MYT1L: variants seen among roughly 807,000 people sequenced by gnomAD.
The protein encoded by MYT1L is myelin transcription factor 1-like protein.
In MYT1L, 12 loss-of-function variants were observed where a neutral mutation model predicts 126.7. The observed-to-expected ratio is 0.09, with a 90% CI of 0.06 to 0.15. The LOEUF is 0.15. Among genes scored for constraint, MYT1L ranks in the 10% least tolerant of loss-of-function variants. The probability of loss-of-function intolerance (pLI) is 1.00; values close to 1 mark genes in which losing one functional copy is unlikely to be tolerated. For missense variants in MYT1L, 979 were observed against 1,585.2 expected (o/e 0.62, Z 6.49); for synonymous variants, 541 against 604.2 (o/e 0.90, Z 1.53).
At chr2:2,145,072 T>A (rs1338780880) in intron 3 of MYT1L, among the ~76,000 whole-genome samples, 1 of 152,210 alleles carries the variant, frequency 6.6e-6, no homozygotes, top group Non-Finnish European at 1.5e-5. Context: ...CACAAAAACA[T>A]ACACACATCT....
At chr2:2,156,589 T>C (rs1180626478) in intron 3 of MYT1L, among the ~76,000 whole-genome samples, 1 of 152,270 alleles carries the variant, frequency 6.6e-6, no homozygotes, top group African/African-American at 2.4e-5. Flanking sequence ...CTCAATTCAT[T>C]GGTGCCATTA....
chr2:2,301,979 C>T (rs1295299755), intron 1 of MYT1L, among the ~76,000 whole-genome samples: 3 of 152,020 alleles, frequency 2.0e-5, no homozygotes, highest in African/African-American at 7.3e-5. Context: ...TTTGTTGATA[C>T]AACTATAAAG....
chr2:2,205,340 A>G (rs2093272485), intron 2 of MYT1L, among the ~76,000 whole-genome samples: 1 of 152,182 alleles, frequency 6.6e-6, no homozygotes, highest in African/African-American at 2.4e-5. Flanking sequence ...TTGTTTTTAA[A>G]TGGTCCTTTA....
chr2:1,836,313 A>C (rs980843495), intron 21 of MYT1L, among the ~76,000 whole-genome samples: 1 of 137,032 alleles, frequency 7.3e-6, no homozygotes, highest in African/African-American at 2.8e-5. Context: ...TGCCCCCCCA[A>C]GATTCCATCA....
intron 5 of MYT1L, among the ~76,000 whole-genome samples, chr2:1,995,344 C>G (rs978038112): frequency 1.3e-5 from 2 of 152,140 alleles, no homozygotes; most frequent in Non-Finnish European, 2.9e-5. Context: ...ACTAGACTGT[C>G]GTCCTCACTG....
chr2:1,857,797 A>G (rs2044098781), intron 18 of MYT1L, among the ~76,000 whole-genome samples: 1 of 152,188 alleles, frequency 6.6e-6, no homozygotes, highest in African/African-American at 2.4e-5. Context: ...TCTGGTTCTA[A>G]AAATATGTAT....
intron 2 of MYT1L, among the ~76,000 whole-genome samples, chr2:2,201,802 T>C (rs995309587): frequency 1.3e-5 from 2 of 152,232 alleles, no homozygotes; most frequent in Non-Finnish European, 2.9e-5. Flanking sequence ...TATTAACTTC[T>C]GGGTTTTCAA....
At chr2:1,796,742 G>C (rs1156760758) in intron 23 of MYT1L, among the ~76,000 whole-genome samples, 2 of 152,122 alleles carry the variant, frequency 1.3e-5, no homozygotes, top group African/African-American at 2.4e-5. Context: ...TGTGCCTGGA[G>C]TGCTCCTTTC....
chr2:2,046,183 A>G (rs2068159232), intron 4 of MYT1L, among the ~76,000 whole-genome samples: 1 of 152,214 alleles, frequency 6.6e-6, no homozygotes, highest in South Asian at 2.1e-4. Flanking sequence ...CCTCTGAGAC[A>G]ACCTGTCCTG....
At chr2:1,866,151 A>G (rs7592630) in intron 18 of MYT1L, among the ~76,000 whole-genome samples, 71,405 of 152,018 alleles carry the variant, frequency 0.47, 19,438 homozygotes, top group African/African-American at 0.75. Context: ...GAAGAAGTAC[A>G]GGCCAGATGG....
chr2:2,109,985 T>G (rs1269385213), intron 3 of MYT1L, among the ~76,000 whole-genome samples: 1 of 148,546 alleles, frequency 6.7e-6, no homozygotes, highest in Non-Finnish European at 1.5e-5. Flanking sequence ...AACAGTTCTA[T>G]ATCCATGGAA....
At chr2:2,152,116 T>A (rs2085895500) in intron 3 of MYT1L, among the ~76,000 whole-genome samples, 1 of 152,220 alleles carries the variant, frequency 6.6e-6, no homozygotes, top group African/African-American at 2.4e-5. Flanking sequence ...CATGCTAGCA[T>A]CACCATTCTT....
intron 5 of MYT1L, among the ~76,000 whole-genome samples, chr2:1,983,620 C>T (rs2060775459): frequency 6.6e-6 from 1 of 152,212 alleles, no homozygotes; most frequent in Non-Finnish European, 1.5e-5. Flanking sequence ...GCCCTTCTCT[C>T]CTACCCGCCT....
chr2:2,100,632 T>C (rs2077956925), intron 3 of MYT1L, among the ~76,000 whole-genome samples: 1 of 152,186 alleles, frequency 6.6e-6, no homozygotes, highest in Non-Finnish European at 1.5e-5. Context: ...TTCAGTTTTG[T>C]TTTGTAGTGA....
intron 3 of MYT1L, among the ~76,000 whole-genome samples, chr2:2,164,473 T>C (rs2088656317): frequency 3.3e-5 from 5 of 152,182 alleles, no homozygotes; most frequent in Admixed American, 3.3e-4. Context: ...TCTTTGCTGC[T>C]TCATCAGTGT....
At chr2:1,931,521 T>C (rs554169819) in intron 9 of MYT1L, among the ~76,000 whole-genome samples, 24 of 148,342 alleles carry the variant, frequency 1.6e-4, no homozygotes, top group African/African-American at 5.2e-4. Flanking sequence ...CCACCCTCAG[T>C]GATGCCCACG....
Position 1,887,039 on chromosome 2 carries a change from T to A in MYT1L, c.2643-432A>T, listed in dbSNP as rs1351765446. ...TAAATTGAAAAGACAGAATCCACCA[T>A]GAGAAAAATGAAGTCACACCTTCTG... On this transcript the variant is annotated intron_variant, in intron 17 of 24. Transcript: ENST00000647738. The surrounding 1 kb of genome is among the most constrained non-coding windows in gnomAD (Gnocchi z 4.8). 2 of 405,324 alleles carry A rather than the reference T, an allele frequency of 4.9e-6. No homozygotes were observed. Among genetic ancestry groups the A allele is most frequent in the African/African-American group, 4.1e-5 (2 of 48,500 alleles). 25.1% of individuals were successfully genotyped at this position (405,324 alleles called of 1,614,324 possible).
At chr2:1,804,110 T>A (rs976872736) in intron 22 of MYT1L, among the ~76,000 whole-genome samples, 1 of 151,830 alleles carries the variant, frequency 6.6e-6, no homozygotes, top group East Asian at 1.9e-4. Context: ...GGAACTAGGG[T>A]TTTTTTGTTG....
chr2:2,277,968 G>T (rs893992046), intron 2 of MYT1L, among the ~76,000 whole-genome samples: 2 of 152,178 alleles, frequency 1.3e-5, no homozygotes, highest in Admixed American at 1.3e-4. Flanking sequence ...AGAAAAGTCA[G>T]TATTAAGTTA....
Sources: allele counts gnomAD v4.1 joint callset (sites outside exome capture counted in the v4.1 genomes callset), GRCh38; gene constraint gnomAD v4.1.1; non-coding constraint Gnocchi (gnomAD v3.1); transcripts MANE v1.5; gene names NCBI Gene and HGNC (gene_info 2026-07-23, HGNC 2026-07-21).